COQ5: variants seen among roughly 807,000 people sequenced by gnomAD.
The protein encoded by COQ5 is 2-methoxy-6-polyprenyl-1,4-benzoquinol methylase, mitochondrial.
COQ5 carries 27 observed loss-of-function variants against 40.5 expected under a neutral mutation model. The ratio of observed to expected loss-of-function variants is 0.67; its 90% confidence interval spans 0.49 to 0.92. The LOEUF (loss-of-function observed/expected upper bound fraction) is 0.92. COQ5 is among the 40% of genes least tolerant of loss of function. The pLI is 0.00. For synonymous variants in COQ5, 141 were observed against 150.0 expected (o/e 0.94, Z 0.44); for missense variants, 409 against 406.4 (o/e 1.01, Z -0.06).
chr12:120,527,933 G>GC (rs1343962590), intron 1 of COQ5, among the ~76,000 whole-genome samples: 1 of 137,922 alleles, frequency 7.3e-6, no homozygotes, highest in African/African-American at 2.7e-5. Context: ...CTTGCAGTGA[G>GC]CCGAGATCGC....
intron 3 of COQ5, among the ~76,000 whole-genome samples, chr12:120,514,508 G>A (rs947609971): frequency 1.3e-5 from 2 of 151,932 alleles, no homozygotes; most frequent in South Asian, 4.2e-4. Context: ...TGGGAGGAAT[G>A]GGTGGACAGA....
At chr12:120,523,671 A>G (rs1869783683) in intron 1 of COQ5, among the ~76,000 whole-genome samples, 1 of 151,984 alleles carries the variant, frequency 6.6e-6, no homozygotes, top group African/African-American at 2.4e-5. Flanking sequence ...GGTGGGGGAA[A>G]TTGGAATTTT....
intron 1 of COQ5, 76 bp from the exon 2 acceptor site, chr12:120,522,439 A>C (rs1437054192): frequency 6.9e-7 from 1 of 1,457,706 alleles, no homozygotes; most frequent in African/African-American, 1.4e-5. Context: ...AAAAGGAGGA[A>C]GCTTTTTTCC....
At chr12:120,506,243 G>C (rs1011216391) in intron 4 of COQ5, among the ~76,000 whole-genome samples, 6 of 152,138 alleles carry the variant, frequency 3.9e-5, no homozygotes, top group Non-Finnish European at 8.8e-5. Flanking sequence ...TAAGAATCAA[G>C]ATGGAGTCAC....
At chr12:120,517,265 T>A (rs1365357747) in intron 2 of COQ5, among the ~76,000 whole-genome samples, 2 of 151,748 alleles carry the variant, frequency 1.3e-5, no homozygotes, top group Admixed American at 6.6e-5. Flanking sequence ...GGCAGGAGAA[T>A]AGCTTAAACC....
rs1246418745 is a variant in COQ5 at position 120,528,991 on chromosome 12, C to T, written c.151G>A (p.Glu51Lys). 3 of 1,614,052 alleles carry T rather than the reference C, an allele frequency of 1.9e-6. No homozygotes were observed. Among genetic ancestry groups the T allele is most frequent in the African/African-American group, 2.7e-5 (2 of 74,908 alleles). Residue 51 changes from glutamate (E) to lysine (K), a missense_variant, in exon 1 of 7, where the codon GAA (glutamate) becomes AAA (lysine). Glu to Lys is a moderately conservative substitution (Grantham distance 56). Transcript: ENST00000288532. ...ACAGTCTCAAACCCAAAGTGCGTTT[C>T]CGCTGCCCGCTTCTCTTGGGACAAG... ...RLLSQEKRAA[E>K]THFGFETVSE...
intron 3 of COQ5, among the ~76,000 whole-genome samples, chr12:120,513,902 A>G (rs1869260536): frequency 6.6e-6 from 1 of 152,124 alleles, no homozygotes; most frequent in Non-Finnish European, 1.5e-5. Flanking sequence ...TTGCAAAGGT[A>G]TGATTATTGG....
At chr12:120,523,719 A>T (rs1869785332) in intron 1 of COQ5, among the ~76,000 whole-genome samples, 1 of 152,110 alleles carries the variant, frequency 6.6e-6, no homozygotes. Context: ...GATCCATTAG[A>T]AGTATGCATA....
intron 3 of COQ5, among the ~76,000 whole-genome samples, chr12:120,514,695 A>G (rs1869299635): frequency 1.3e-5 from 2 of 151,782 alleles, no homozygotes; most frequent in South Asian, 4.2e-4. Flanking sequence ...GTGACCCGAG[A>G]TCGCTCCACT....
In COQ5 at chr12:120,522,356, C is replaced by G; in HGVS notation, c.210G>C (p.Gln70His). Residue 70 changes from glutamine (Q) to histidine (H), a missense_variant, in exon 2 of 7, where the codon CAG (glutamine) becomes CAC (histidine). By Grantham distance (24) the Gln-to-His change is conservative. Coordinates refer to ENST00000288532, the MANE Select transcript of COQ5 (RefSeq NM_032314.4). ...ACTTCTTAGCCACACTTTCAAACAC[C>G]TGATAGACTGACATGGGAGAAACAC... ...SEEEKGGKVYQVFESVAKKYD... is the reference protein window; with the variant it reads ...SEEEKGGKVYHVFESVAKKYD... The G allele has an allele frequency of 6.2e-7, 1 of 1,613,410 alleles. No homozygotes were observed. Among genetic ancestry groups the G allele is most frequent in the Non-Finnish European group, 8.5e-7 (1 of 1,179,380 alleles).
intron 4 of COQ5, among the ~76,000 whole-genome samples, chr12:120,505,544 G>A (rs1259774830): frequency 6.6e-6 from 1 of 151,294 alleles, no homozygotes; most frequent in African/African-American, 2.4e-5. Context: ...CTGCCACCAC[G>A]CCCCGCTAAT....
At chr12:120,514,747 A>G (rs558007103) in intron 3 of COQ5, among the ~76,000 whole-genome samples, 26 of 141,914 alleles carry the variant, frequency 1.8e-4, no homozygotes, top group African/African-American at 7.4e-4. Context: ...TGTCTCAGAA[A>G]CAACAACAAC....
intron 4 of COQ5, among the ~76,000 whole-genome samples, chr12:120,509,135 A>T (rs1017192321): frequency 1.1e-4 from 16 of 152,170 alleles, no homozygotes; most frequent in African/African-American, 3.4e-4. Flanking sequence ...CCACTTAACC[A>T]GAGGACCCAG....
In COQ5 at chr12:120,528,877, G is replaced by A. The variant is rs1870088114; in HGVS notation, c.202+63C>T. The A allele has an allele frequency of 6.9e-6, 10 of 1,441,226 alleles. No homozygotes were observed. The South Asian group carries it at 8.0e-5, about 12-fold the overall frequency. 89.3% of individuals were successfully genotyped at this position (1,441,226 alleles called of 1,614,324 possible). ...ATTGGATGTTAAATCAACCCTAACT[G>A]GCCAGAAGAAACCAGACCATGGACG... On this transcript the variant is annotated intron_variant, in intron 1 of 6. Transcript: ENST00000288532.
intron 1 of COQ5, among the ~76,000 whole-genome samples, chr12:120,525,340 G>T (rs903667402): frequency 1.3e-5 from 2 of 151,856 alleles, no homozygotes; most frequent in African/African-American, 2.4e-5. Flanking sequence ...CTCATGATCT[G>T]CCCACCTCAG....
intron 3 of COQ5, among the ~76,000 whole-genome samples, chr12:120,513,242 A>T (rs1467111264): frequency 6.8e-6 from 1 of 147,762 alleles, no homozygotes; most frequent in Non-Finnish European, 1.5e-5. Flanking sequence ...AGTGGCTCAC[A>T]CCTGTAATCC....
intron 2 of COQ5, among the ~76,000 whole-genome samples, chr12:120,519,524 C>G (rs1018018775): frequency 3.9e-5 from 6 of 151,968 alleles, no homozygotes; most frequent in African/African-American, 1.5e-4. Flanking sequence ...CATGCCATTG[C>G]ACTCCAGCCG....
chr12:120,511,752 C>T (rs1373431983), intron 3 of COQ5, among the ~76,000 whole-genome samples: 3 of 152,148 alleles, frequency 2.0e-5, no homozygotes, highest in Non-Finnish European at 2.9e-5. Flanking sequence ...AGTTTAAACA[C>T]TTGACTAAGG....
Position 120,503,499 on chromosome 12 carries a change from G to A in COQ5, c.*285C>T, listed in dbSNP as rs563509112. 6.5e-5 allele frequency: 36 copies of A among 553,898 alleles called. No individual in the cohort carries two copies. Among genetic ancestry groups the A allele is most frequent in the African/African-American group, 6.0e-4 (32 of 53,768 alleles). The allele number at this position is 553,898 out of a possible 1,614,324, so 34.3% of individuals were successfully genotyped here. On this transcript the variant is annotated 3_prime_UTR_variant, in exon 7 of 7. Coordinates refer to ENST00000288532, the MANE Select transcript of COQ5 (RefSeq NM_032314.4). ...CTCACTTCAAAACTGAGCTTTAGGG[G>A]TGGTTGTACCTTAACCACACACCCT... is the stretch of plus-strand genomic sequence containing the variant.
Sources: allele counts gnomAD v4.1 joint callset (sites outside exome capture counted in the v4.1 genomes callset), GRCh38; gene constraint gnomAD v4.1.1; transcripts MANE v1.5; gene names NCBI Gene and HGNC (gene_info 2026-07-23, HGNC 2026-07-21).